Variants in CCNB3 observed in about 807,000 individuals in gnomAD.
CCNB3 encodes G2/mitotic-specific cyclin-B3.
A neutral mutation model predicts 68.0 loss-of-function variants in CCNB3; 12 were observed. That is an observed-to-expected ratio of 0.18 (90% CI 0.11 to 0.29). The LOEUF is 0.29. Ranked by LOEUF, CCNB3 falls within the 10% of genes least tolerant of loss-of-function variation. The pLI, the probability that CCNB3 is intolerant of heterozygous loss-of-function variation, is 1.00. For missense variants in CCNB3, 904 were observed against 993.1 expected (o/e 0.91, Z 1.21); for synonymous variants, 354 against 388.9 (o/e 0.91, Z 1.06).
intron 8 of CCNB3, among the ~76,000 whole-genome samples, chrX:50,341,329 C>CAATAAATA (rs199995900): frequency 0.13 from 11,023 of 86,563 alleles, 816 homozygotes; most frequent in Non-Finnish European, 0.18. Context: ...AACTCCGTCT[C>CAATAAATA]AATAAATAAA....
At chrX:50,213,890 A>AT in intron 1 of CCNB3, among the ~76,000 whole-genome samples, 1 of 111,581 alleles carries the variant, frequency 9.0e-6, no homozygotes, top group South Asian at 3.7e-4. Flanking sequence ...TTGAGGTATA[A>AT]TTGATATATT....
intron 1 of CCNB3, among the ~76,000 whole-genome samples, chrX:50,227,246 A>G (rs1935880011): frequency 1.2e-5 from 1 of 82,065 alleles, no homozygotes; most frequent in South Asian, 5.4e-4. Flanking sequence ...ATATATATAC[A>G]GAATATATAT....
Position 50,311,623 on chromosome X carries a change from C to T in CCNB3, c.3327+127C>T, listed in dbSNP as rs73495631. ...TTGTTGTTGTTGTTTTTTTGCCTTCCTAAGCAGTTGAGCCATATATAGTAA... is the reference window on the plus strand; with the variant it reads ...TTGTTGTTGTTGTTTTTTTGCCTTCTTAAGCAGTTGAGCCATATATAGTAA... On this transcript the variant is annotated intron_variant, in intron 6 of 12. Coordinates refer to ENST00000376042, the MANE Select transcript of CCNB3 (RefSeq NM_033031.3). 3.6e-3 allele frequency: 1,835 copies of T among 502,757 alleles called. 25 individuals carry two copies. The African/African-American group carries it at 0.042, about 12-fold the overall frequency. 41.4% of individuals were successfully genotyped at this position (502,757 alleles called of 1,213,427 possible). A position where few individuals can be genotyped will look rare whatever the true frequency, so the allele number is the denominator to read the frequency against.
rs782614811 is a variant in CCNB3, at chrX:50,294,871, A to G, written c.213A>G (p.Gln71=). ...CACCTTTTTTTTTGCAGGCTTCTCA[A>G]TGTCAACCTGTCCAGCCCAAGAAAG... The part of the protein sequence containing the change: ...SAFEDLTNAS[Q]CQPVQPKKEA... The change falls in exon 5 of 13, where the codon CAA becomes CAG. Residue 71 remains glutamine (Q), a synonymous_variant. Transcript: ENST00000376042. 140 of 1,198,501 alleles carry G rather than the reference A, an allele frequency of 1.2e-4. No individual in the cohort carries two copies. Among genetic ancestry groups the G allele is most frequent in the Non-Finnish European group, 1.4e-4 (125 of 890,238 alleles).
At chrX:50,350,122 C>T (rs1923590977) in intron 11 of CCNB3, among the ~76,000 whole-genome samples, 1 of 110,978 alleles carries the variant, frequency 9.0e-6, no homozygotes, top group Admixed American at 9.6e-5. Flanking sequence ...TCCTCAAGGG[C>T]AGGTCCCTCA....
intron 10 of CCNB3, 59 bp downstream of exon 10, chrX:50,346,866 C>T (rs1170679676): frequency 9.0e-7 from 1 of 1,104,989 alleles, no homozygotes; most frequent in Non-Finnish European, 1.2e-6. Context: ...CCTTTATACC[C>T]AGAGTAGCTG....
At chrX:50,226,363 A>AGAATATATATAAAAATATATATATG (rs1935797730) in intron 1 of CCNB3, among the ~76,000 whole-genome samples, 1 of 67,347 alleles carries the variant, frequency 1.5e-5, no homozygotes, top group African/African-American at 6.2e-5. Flanking sequence ...AAATATGTAT[A>AGAATATATATAAAAATATATATATG]GAATATATAT....
chrX:50,347,173 A>G (rs1557220443), intron 10 of CCNB3, among the ~76,000 whole-genome samples: 1 of 111,419 alleles, frequency 9.0e-6, no homozygotes, highest in Non-Finnish European at 1.9e-5. Context: ...AATTCATTGT[A>G]TTGTGCAAAT....
chrX:50,279,241 T>C (rs1415806711), intron 1 of CCNB3, among the ~76,000 whole-genome samples: 1 of 67,628 alleles, frequency 1.5e-5, no homozygotes. Flanking sequence ...TATATATGAA[T>C]ATATATACTA....
intron 5 of CCNB3, among the ~76,000 whole-genome samples, chrX:50,302,111 A>C (rs782512194): frequency 8.9e-6 from 1 of 111,912 alleles, no homozygotes; most frequent in Admixed American, 9.4e-5. Flanking sequence ...CCCTGCTTCA[A>C]CTCGTGCATG....
intron 5 of CCNB3, among the ~76,000 whole-genome samples, chrX:50,296,318 C>T (rs1195248020): frequency 1.3e-5 from 1 of 77,778 alleles, no homozygotes. Flanking sequence ...GTGATGTTCC[C>T]CTTCCTGTGT....
intron 8 of CCNB3, among the ~76,000 whole-genome samples, chrX:50,338,443 T>G: frequency 8.9e-6 from 1 of 112,162 alleles, no homozygotes; most frequent in Middle Eastern, 4.6e-3. Context: ...CATGATCGAT[T>G]GAGCAAGCAG....
intron 8 of CCNB3, among the ~76,000 whole-genome samples, chrX:50,334,889 G>A (rs1393146554): frequency 8.9e-6 from 1 of 112,017 alleles, no homozygotes; most frequent in Non-Finnish European, 1.9e-5. Flanking sequence ...CTGGTTTTAG[G>A]TTCCGGTAGG....
chrX:50,348,325 A>G (rs187677752), intron 11 of CCNB3, among the ~76,000 whole-genome samples: 4 of 112,250 alleles, frequency 3.6e-5, no homozygotes, highest in Non-Finnish European at 7.5e-5. Flanking sequence ...TCTCAATTTT[A>G]TGAAAAGTTG....
intron 1 of CCNB3, among the ~76,000 whole-genome samples, chrX:50,226,475 A>G (rs1308452098): frequency 4.4e-5 from 3 of 68,392 alleles, no homozygotes; most frequent in Admixed American, 4.5e-4. Flanking sequence ...TAGAATATAT[A>G]TAAATATATA....
chrX:50,323,461 A>G (rs2147078748), intron 8 of CCNB3, among the ~76,000 whole-genome samples: 1 of 109,967 alleles, frequency 9.1e-6, no homozygotes, highest in East Asian at 2.9e-4. Flanking sequence ...AGATATACCT[A>G]ATGTAAATGA....
At position 50,346,723 on chromosome X, in the gene CCNB3, C is replaced by T; in HGVS notation, c.3726C>T (p.Leu1242=). The change falls in exon 10 of 13, where the codon CTC becomes CTT. Residue 1242 remains leucine, a synonymous_variant. Transcript: ENST00000376042. Reference sequence around the variant, plus strand: ...ATAATTATCAGCGATCTGAGGTACTCAGCATGGAAATCAACATCCTGAACG... The same window carrying T: ...ATAATTATCAGCGATCTGAGGTACTTAGCATGGAAATCAACATCCTGAACG... ...CDDNYQRSEV[L]SMEINILNVL... 1 of 1,211,011 alleles carries T rather than the reference C, an allele frequency of 8.3e-7. No homozygotes were observed.
chrX:50,348,463 A>G (rs782293377), intron 11 of CCNB3, among the ~76,000 whole-genome samples: 5 of 111,819 alleles, frequency 4.5e-5, no homozygotes, highest in East Asian at 5.6e-4. Context: ...CCTCCTACCT[A>G]AAAATCCTGG....
Position 50,294,891 on chromosome X carries a change from A to C in CCNB3, c.233A>C (p.Lys78Thr). ...NASQCQPVQP[K>T]KEANKEFVKV... ...TCTCAATGTCAACCTGTCCAGCCCAAGAAAGAAGCCAATAAAGAGTTTGTA... is the reference window on the plus strand; with the variant it reads ...TCTCAATGTCAACCTGTCCAGCCCACGAAAGAAGCCAATAAAGAGTTTGTA... Residue 78 changes from lysine (K) to threonine (T), a missense_variant, in exon 5 of 13, where the codon AAG becomes ACG. Physicochemically the swap from Lys to Thr is moderately conservative, Grantham distance 78. This residue lies in a region of CCNB3 where 619 missense variants were observed against 609.8 expected (regional missense o/e 1.02). Transcript: ENST00000376042. 8.3e-7 allele frequency: 1 copy of C among 1,209,854 alleles called. No homozygotes were observed. The highest frequency in any genetic ancestry group is 1.1e-6 in the Non-Finnish European group (1 of 894,470).
Sources: allele counts gnomAD v4.1 joint callset (sites outside exome capture counted in the v4.1 genomes callset), GRCh38; gene constraint gnomAD v4.1.1; regional missense constraint gnomAD v4.1.1; transcripts MANE v1.5; gene names NCBI Gene and HGNC (gene_info 2026-07-23, HGNC 2026-07-21).